AAK1: variants seen among roughly 807,000 people sequenced by gnomAD.
The protein encoded by AAK1 is AP2 associated kinase 1, also known as AP2-associated protein kinase 1.
AAK1 carries 37 observed loss-of-function variants against 116.0 expected under a neutral mutation model. That is an observed-to-expected ratio of 0.32 (90% CI 0.25 to 0.42). AAK1 has a LOEUF of 0.42. Among genes scored for constraint, AAK1 ranks in the 10% least tolerant of loss-of-function variants. The pLI is 1.00. For synonymous variants in AAK1, 458 were observed against 439.9 expected (o/e 1.04, Z -0.51); for missense variants, 919 against 1,170.6 (o/e 0.79, Z 3.14).
At chr2:69,571,187 G>A (rs1424391426) in intron 2 of AAK1, among the ~76,000 whole-genome samples, 3 of 152,220 alleles carry the variant, frequency 2.0e-5, no homozygotes, top group African/African-American at 7.2e-5. Context: ...GATTAGAGAT[G>A]TATTATGTCA....
chr2:69,523,340 G>A (rs180814113), intron 10 of AAK1, among the ~76,000 whole-genome samples: 1 of 152,312 alleles, frequency 6.6e-6, no homozygotes. Context: ...AGACTACAAA[G>A]TAACAAGTTT....
In AAK1 at chr2:69,590,100, C is replaced by T. The variant is rs145639670; in HGVS notation, c.164-33122G>A. 4.6e-5 allele frequency among the ~76,000 whole-genome samples: 7 copies of T among 152,338 alleles called. No individual in the cohort carries two copies. The East Asian group carries it at 1.3e-3, about 29-fold the overall frequency. ...ACAGGAAGATAAGCTGGGAGCTTCA[C>T]TACCACTGCATGAGCTCAGGTAAAA... On this transcript the variant is annotated intron_variant, in intron 2 of 21. Transcript: ENST00000409085.
At chr2:69,482,913 A>G in intron 17 of AAK1, 101 bp from the exon 18 acceptor site, 1 of 694,554 alleles carries the variant, frequency 1.4e-6, no homozygotes, top group Non-Finnish European at 2.5e-6. Context: ...TTAGGGGTCA[A>G]TATTTGGTAC....
chr2:69,481,232 C>T, intron 18 of AAK1: 1 of 298,042 alleles, frequency 3.4e-6, no homozygotes, highest in South Asian at 4.0e-5. Context: ...AAATAAGTTA[C>T]TTTATTTCTG....
intron 3 of AAK1, among the ~76,000 whole-genome samples, chr2:69,551,720 T>A (rs892958593): frequency 6.6e-6 from 1 of 152,188 alleles, no homozygotes; most frequent in Non-Finnish European, 1.5e-5. Context: ...TTTCCTGCTT[T>A]CAGGCAAAGG....
intron 6 of AAK1, among the ~76,000 whole-genome samples, chr2:69,531,115 A>G (rs1670237057): frequency 6.6e-6 from 1 of 152,194 alleles, no homozygotes. Context: ...TCTGCAGAAG[A>G]GCAGAAAGTG....
rs78764259 is a variant in AAK1 at position 69,545,607 on chromosome 2, A to C, written c.283-1063T>G. ...GAAAAACAAATTTCATAACAAAACAAGAGAAAACCCCATGGTATGAAGTGA... is the reference window on the plus strand; with the variant it reads ...GAAAAACAAATTTCATAACAAAACACGAGAAAACCCCATGGTATGAAGTGA... On this transcript the variant is annotated intron_variant, in intron 3 of 21. Transcript: ENST00000409085. 6.6e-3 allele frequency among the ~76,000 whole-genome samples: 1,001 copies of C among 152,324 alleles called. 23 individuals are homozygous for C. The highest frequency in any genetic ancestry group is 0.013 in the East Asian group (66 of 5,186).
intron 10 of AAK1, 118 bp from the exon 11 acceptor site, chr2:69,521,106 G>A (rs906118272): frequency 9.9e-6 from 11 of 1,111,930 alleles, no homozygotes; most frequent in Admixed American, 2.3e-5. Flanking sequence ...CTGTTTAATC[G>A]ATGCTTCCCA....
chr2:69,639,395 T>G (rs1042652229), intron 2 of AAK1, among the ~76,000 whole-genome samples: 1 of 152,204 alleles, frequency 6.6e-6, no homozygotes, highest in Non-Finnish European at 1.5e-5. Context: ...ATGATTTAGC[T>G]TCTCATCATG....
chr2:69,605,986 C>T (rs1303011121), intron 2 of AAK1, among the ~76,000 whole-genome samples: 2 of 152,176 alleles, frequency 1.3e-5, no homozygotes, highest in Non-Finnish European at 2.9e-5. Flanking sequence ...CCTCCACCCC[C>T]ATGAACTCAC....
Position 69,472,507 on chromosome 2 carries a change from A to C in AAK1, c.*3362T>G, listed in dbSNP as rs771489168. 37 of 669,442 alleles carry C rather than the reference A, an allele frequency of 5.5e-5. No homozygotes were observed. Among genetic ancestry groups the C allele is most frequent in the Non-Finnish European group, 6.8e-5 (37 of 541,694 alleles). 41.5% of individuals were successfully genotyped at this position (669,442 alleles called of 1,614,324 possible). On this transcript the variant is annotated 3_prime_UTR_variant, in exon 22 of 22. Transcript: ENST00000409085. ...AAACTAGATGACATTGAGGGGAACA[A>C]CACTTAATTAGATGTCAAAATTCTG...
At chr2:69,533,521 T>C (rs1356501122) in intron 5 of AAK1, among the ~76,000 whole-genome samples, 3 of 152,250 alleles carry the variant, frequency 2.0e-5, no homozygotes, top group Non-Finnish European at 4.4e-5. Context: ...TATCTGCCAA[T>C]TCCAATATTT....
Position 69,467,591 on chromosome 2 carries a change from C to T in AAK1, c.*8278G>A. 1.0e-6 allele frequency: 1 copy of T among 985,316 alleles called. No individual in the cohort carries two copies. The allele number at this position is 985,316 out of a possible 1,614,324, so 61.0% of individuals were successfully genotyped here. On this transcript the variant is annotated 3_prime_UTR_variant, in exon 22 of 22. Coordinates refer to ENST00000409085, the MANE Select transcript of AAK1 (RefSeq NM_014911.5). ...ATACTACTGGAGTTTCCCAACCCACCAGGATAAGAATATTAGATACAATGA... is the reference window on the plus strand; with the variant it reads ...ATACTACTGGAGTTTCCCAACCCACTAGGATAAGAATATTAGATACAATGA...
chr2:69,538,217 A>C (rs1202730305), intron 5 of AAK1, among the ~76,000 whole-genome samples: 1 of 152,246 alleles, frequency 6.6e-6, no homozygotes, highest in African/African-American at 2.4e-5. Flanking sequence ...AGGAGCACTG[A>C]GGTGCAAGGG....
Position 69,507,547 on chromosome 2 carries a change from G to A in AAK1, c.2038C>T (p.Arg680Trp), listed in dbSNP as rs1423773467. The A allele has an allele frequency of 8.7e-6, 14 of 1,611,796 alleles. No individual in the cohort carries two copies. The highest frequency in any genetic ancestry group is 1.1e-5 in the South Asian group (1 of 90,528). The change falls in exon 15 of 22, where the codon CGG becomes TGG. Residue 680 changes from arginine (R) to tryptophan (W), a missense_variant. Transcript: ENST00000409085. ...TTATAAACGTTTTGTTGAGAGGTCC[G>A]AGGAGAGCCTGATGGAGTGGTGGTT... Reference protein sequence around the residue: ...SATTTPSGSPRTSQQNVYNPS... With the variant: ...SATTTPSGSPWTSQQNVYNPS...
intron 19 of AAK1, among the ~76,000 whole-genome samples, chr2:69,480,467 C>T (rs939991715): frequency 6.6e-6 from 1 of 152,016 alleles, no homozygotes; most frequent in Non-Finnish European, 1.5e-5. Context: ...AAGATGAGCT[C>T]CACGGACATC....
chr2:69,552,124 G>C (rs1671206673), intron 3 of AAK1, among the ~76,000 whole-genome samples: 1 of 151,888 alleles, frequency 6.6e-6, no homozygotes, highest in African/African-American at 2.4e-5. Flanking sequence ...TGTTACATAG[G>C]ACTTCAGATT....
chr2:69,622,616 T>C (rs1471139801), intron 2 of AAK1, among the ~76,000 whole-genome samples: 1 of 152,342 alleles, frequency 6.6e-6, no homozygotes, highest in Non-Finnish European at 1.5e-5. Flanking sequence ...CAGCACCTTG[T>C]GTCTAGCTCA....
chr2:69,467,156 C>T lies in AAK1; in HGVS notation c.*8713G>A. The T allele has an allele frequency of 1.0e-6, 1 of 985,406 alleles. No individual in the cohort carries two copies. The highest frequency in any genetic ancestry group is 1.2e-6 in the Non-Finnish European group (1 of 829,916). The allele number at this position is 985,406 out of a possible 1,614,324, so 61.0% of individuals were successfully genotyped here. On this transcript the variant is annotated 3_prime_UTR_variant, in exon 22 of 22. Transcript: ENST00000409085. ...ACCTTCTGAGGGGAGCATACAGCAT[C>T]AAAATCAGACCAAATAAATCACCTT...
Sources: gnomAD v4.1 joint callset for allele counts (sites outside exome capture counted in the v4.1 genomes callset) on GRCh38, gnomAD v4.1.1 for gene constraint, MANE v1.5 for transcripts, NCBI Gene and HGNC (gene_info 2026-07-23, HGNC 2026-07-21) for gene names.